SMPD3: variants seen among roughly 807,000 people sequenced by gnomAD.
SMPD3 encodes the protein nSMase-2.
Under a neutral mutation model 55.7 loss-of-function variants are expected in SMPD3, and 21 were observed. The observed-to-expected ratio is 0.38, with a 90% CI of 0.27 to 0.54. SMPD3 has a LOEUF of 0.54. SMPD3 is among the 20% of genes least tolerant of loss of function. SMPD3 has a pLI of 0.80. For synonymous variants in SMPD3, 457 were observed against 404.3 expected, an observed-to-expected ratio of 1.13 and a Z score of -1.56; for missense variants, 842 against 899.6, an observed-to-expected ratio of 0.94 and a Z score of 0.82.
At chr16:68,426,446 C>G (rs1465327124) in intron 1 of SMPD3, among the ~76,000 whole-genome samples, 1 of 152,132 alleles carries the variant, frequency 6.6e-6, no homozygotes, top group Admixed American at 6.5e-5. Flanking sequence ...TGTGGGTCTC[C>G]CCACAGTGGC....
At chr16:68,421,504 G>A (rs773146630) in intron 1 of SMPD3, among the ~76,000 whole-genome samples, 7 of 152,206 alleles carry the variant, frequency 4.6e-5, no homozygotes, top group Non-Finnish European at 8.8e-5. Context: ...GCATGGCAAT[G>A]AGCCAGGGGG....
chr16:68,382,935 A>T (rs1410434626), intron 2 of SMPD3, among the ~76,000 whole-genome samples: 1 of 151,996 alleles, frequency 6.6e-6, no homozygotes. Context: ...TCCACCCCCC[A>T]CTGGGCTCAA....
intron 1 of SMPD3, among the ~76,000 whole-genome samples, chr16:68,433,804 T>G (rs7500305): frequency 0.75 from 114,178 of 152,032 alleles, 43,347 homozygotes; most frequent in East Asian, 0.88. Context: ...TGAATATATG[T>G]TCTCAAATCT....
At chr16:68,374,765 G>C (rs1231780654) in intron 2 of SMPD3, among the ~76,000 whole-genome samples, 1 of 152,144 alleles carries the variant, frequency 6.6e-6, no homozygotes, top group African/African-American at 2.4e-5. Flanking sequence ...GTGTGGAGCC[G>C]GCTGTCTTCA....
intron 1 of SMPD3, among the ~76,000 whole-genome samples, chr16:68,435,783 A>G (rs1033629280): frequency 2.0e-5 from 3 of 152,250 alleles, no homozygotes; most frequent in African/African-American, 4.8e-5. Context: ...GCCACAGGTC[A>G]GAAGACCACT....
At chr16:68,396,866 C>T (rs756799459) in intron 1 of SMPD3, among the ~76,000 whole-genome samples, 1 of 152,202 alleles carries the variant, frequency 6.6e-6, no homozygotes, top group African/African-American at 2.4e-5. Context: ...TGTGAACTCA[C>T]GTGTGTGTTG....
intron 1 of SMPD3, among the ~76,000 whole-genome samples, chr16:68,406,119 G>GT (rs1420529763): frequency 6.6e-6 from 1 of 151,426 alleles, no homozygotes; most frequent in African/African-American, 2.5e-5. Context: ...AGTCTTTCCC[G>GT]TGGGGCTGTT....
rs575180993 is a variant in SMPD3, at chr16:68,404,797, A to C, written c.-268-18138T>G. Among the ~76,000 whole-genome samples the C allele has an allele frequency of 3.9e-5, 6 of 152,332 alleles. No individual in the cohort carries two copies. In the South Asian group the frequency reaches 1.2e-3, roughly 32 times the overall value. On this transcript the variant is annotated intron_variant, in intron 1 of 8. Transcript: ENST00000219334. This position sits in a 1 kb window ranked among gnomAD's most constrained non-coding sequence, Gnocchi z 4.0. ...GTCTTTCCATCCAAATTGGAAATGA[A>C]AAGGCCCTGGTACTTGACAGATCTA...
chr16:68,365,180 G>A (rs761263661), intron 3 of SMPD3, 88 bp from the exon 4 acceptor site: 2 of 1,350,056 alleles, frequency 1.5e-6, no homozygotes, highest in East Asian at 2.4e-5. Context: ...CCACCCATGA[G>A]GTCAGACCCT....
intron 1 of SMPD3, among the ~76,000 whole-genome samples, chr16:68,405,304 A>G (rs548786619): frequency 1.3e-5 from 2 of 152,186 alleles, no homozygotes; most frequent in East Asian, 3.9e-4. Flanking sequence ...TAATCCCAGC[A>G]CTTTGGGAGG....
Position 68,371,463 on chromosome 16 carries a change from T to A in SMPD3, c.719A>T (p.Glu240Val). ...ACCGATGCGCACGATGCAGGCATCC[T>A]CCGGGCTGCTGCTGTCGACAGGGTC... ...SGDPVDSSSP[E>V]DACIVRIGGE... Residue 240 changes from glutamate to valine, a missense_variant, in exon 3 of 9, where the codon GAG becomes GTG. Coordinates refer to ENST00000219334, the MANE Select transcript of SMPD3 (RefSeq NM_018667.4). The A allele has an allele frequency of 6.3e-7, 1 of 1,595,960 alleles. No homozygotes were observed. Among genetic ancestry groups the A allele is most frequent in the Non-Finnish European group, 8.5e-7 (1 of 1,178,690 alleles).
rs373973958 is a variant in SMPD3 at position 68,437,187 on chromosome 16, G to A, written c.-269+11166C>T. On this transcript the variant is annotated intron_variant, in intron 1 of 8. Transcript: ENST00000219334. ...TGTCTGGCACAGGGTTCAACACAGA[G>A]TAGGAGCCAGTTGTGTGAGCAGGGC... Among the ~76,000 whole-genome samples, 56 of 152,374 alleles carry A rather than the reference G, an allele frequency of 3.7e-4. 1 individual carries two copies. In the South Asian group the frequency reaches 0.01, roughly 28 times the overall value.
rs907218153 is a variant in SMPD3 at position 68,361,819 on chromosome 16, G to A, written c.1710-60C>T. 1.3e-5 allele frequency: 21 copies of A among 1,575,316 alleles called. No homozygotes were observed. The South Asian group carries it at 1.8e-4, about 13-fold the overall frequency. On this transcript the variant is annotated intron_variant, in intron 7 of 8. Transcript: ENST00000219334. ...TGCCCGCCCCTGTGGGCCTGGCAGG[G>A]GCTGTGTGTGGAGCCATGGTCTCCT...
At chr16:68,439,103 C>T (rs1458126620) in intron 1 of SMPD3, among the ~76,000 whole-genome samples, 2 of 152,158 alleles carry the variant, frequency 1.3e-5, no homozygotes, top group East Asian at 1.9e-4. Context: ...CATGTAATTG[C>T]CATGGCGGGA....
intron 1 of SMPD3, 59 bp from the exon 2 acceptor site, chr16:68,386,718 C>G (rs1244568981): frequency 6.6e-6 from 1 of 152,366 alleles, no homozygotes; most frequent in Non-Finnish European, 1.5e-5. Flanking sequence ...GCTCACCTGA[C>G]AGCCACCGAG....
chr16:68,373,039 C>T (rs932054571), intron 2 of SMPD3, among the ~76,000 whole-genome samples: 6 of 152,346 alleles, frequency 3.9e-5, no homozygotes, highest in South Asian at 2.1e-4. Context: ...CTCCACTGAC[C>T]GCGGGAGAAA....
chr16:68,391,858 G>A (rs918717870), intron 1 of SMPD3, among the ~76,000 whole-genome samples: 3 of 152,212 alleles, frequency 2.0e-5, no homozygotes, highest in Non-Finnish European at 4.4e-5. Context: ...GATGGTCTCT[G>A]ACTTACGATG....
At chr16:68,433,306 A>G (rs544274239) in intron 1 of SMPD3, among the ~76,000 whole-genome samples, 9 of 152,320 alleles carry the variant, frequency 5.9e-5, no homozygotes, top group Middle Eastern at 3.4e-3. Context: ...TCCCTGCCTC[A>G]CACTCAATCC....
At chr16:68,434,211 A>G (rs2090502554) in intron 1 of SMPD3, among the ~76,000 whole-genome samples, 1 of 152,100 alleles carries the variant, frequency 6.6e-6, no homozygotes, top group Non-Finnish European at 1.5e-5. Context: ...CCGTTGTTAT[A>G]TATGTTTTGG....
Sources: gnomAD v4.1 joint callset for allele counts (sites outside exome capture counted in the v4.1 genomes callset) on GRCh38, gnomAD v4.1.1 for gene constraint, Gnocchi (gnomAD v3.1) non-coding constraint, MANE v1.5 for transcripts, NCBI Gene and HGNC (gene_info 2026-07-23, HGNC 2026-07-21) for gene names.